Variants in TNFRSF10D observed in about 807,000 individuals in gnomAD.
TNFRSF10D encodes the protein TNF receptor superfamily member 10d.
In TNFRSF10D, 28 loss-of-function variants were observed where a neutral mutation model predicts 42.1. The ratio of observed to expected loss-of-function variants is 0.66; its 90% CI spans 0.49 to 0.91. The LOEUF (loss-of-function observed/expected upper bound fraction) is 0.91. TNFRSF10D is among the 40% of genes least tolerant of loss of function. The probability of loss-of-function intolerance (pLI) is 0.00; values close to 1 mark genes in which losing one functional copy is unlikely to be tolerated. For missense variants in TNFRSF10D, 503 were observed against 486.1 expected (o/e 1.03, Z -0.33); for synonymous variants, 186 against 189.4 (o/e 0.98, Z 0.15).
chr8:23,159,163 G>A (rs1800326257), intron 1 of TNFRSF10D, among the ~76,000 whole-genome samples: 1 of 151,942 alleles, frequency 6.6e-6, no homozygotes, highest in Non-Finnish European at 1.5e-5. Flanking sequence ...ACAGCATTTT[G>A]CTATGTTTCC....
Position 23,135,672 on chromosome 8 carries a change from C to T in TNFRSF10D, c.*2198G>A, listed in dbSNP as rs373883768. The T allele has an allele frequency of 4.4e-3, 1,201 of 273,866 alleles. No individual in the cohort carries two copies. Among genetic ancestry groups the T allele is most frequent in the African/African-American group, 0.017 (740 of 44,788 alleles). 17.0% of individuals were successfully genotyped at this position (273,866 alleles called of 1,614,324 possible). A position where few individuals can be genotyped will look rare whatever the true frequency, so the allele number is the denominator to read the frequency against. The stretch of plus-strand genomic sequence containing the variant: ...ACCAGGTGTTATGTGCTATTTGGCC[C>T]GGGTATAAAGCAAAACCTAAACAAA... On this transcript the variant is annotated 3_prime_UTR_variant, in exon 9 of 9. Transcript: ENST00000312584.
In TNFRSF10D at chr8:23,137,918, C is replaced by A. The variant is rs768082469; in HGVS notation, c.1113G>T (p.Lys371Asn). ...TIQDQLVGSE[K>N]LFYEEDEAGS... is the part of the protein sequence containing the mutation. ...CTGCCTCATCTTCTTCATAAAAGAG[C>A]TTTTCGGAGCCCACCAGTTGGTCCT... Residue 371 changes from lysine to asparagine, a missense_variant, in exon 9 of 9, where the codon AAG becomes AAT. Lys to Asn is a moderately conservative substitution (Grantham distance 94, BLOSUM62 0). Coordinates refer to ENST00000312584, the MANE Select transcript of TNFRSF10D (RefSeq NM_003840.5). 6.2e-6 allele frequency: 10 copies of A among 1,614,110 alleles called. 1 individual carries two copies. The highest frequency in any genetic ancestry group is 1.6e-4 in the Middle Eastern group (1 of 6,084).
chr8:23,163,815 C>A lies in TNFRSF10D; in HGVS notation c.121G>T (p.Val41Phe), dbSNP rs1212155628. ...WLLDPKILKF[V>F]VFIVAVLLPV... ...AGCAGAACCGCGACGATGAAGACGACGAACTTAAGGATCTTGGGGTCCAGG... is the reference window on the plus strand; with the variant it reads ...AGCAGAACCGCGACGATGAAGACGAAGAACTTAAGGATCTTGGGGTCCAGG... Residue 41 changes from valine to phenylalanine, a missense_variant, in exon 1 of 9, where the codon GTC (valine) becomes TTC (phenylalanine). Val to Phe is a conservative substitution (Grantham distance 50). Transcript: ENST00000312584. 1.2e-6 allele frequency: 2 copies of A among 1,608,886 alleles called. No homozygotes were observed. The highest frequency in any genetic ancestry group is 1.7e-5 in the Admixed American group (1 of 59,382).
At chr8:23,143,038 G>A (rs567242669) in intron 7 of TNFRSF10D, among the ~76,000 whole-genome samples, 2 of 150,380 alleles carry the variant, frequency 1.3e-5, no homozygotes, top group African/African-American at 5.0e-5. Context: ...GTGCAGTGGC[G>A]TGATCTCGGC....
At chr8:23,146,822 AG>A (rs1800127106) in intron 4 of TNFRSF10D, 138 bp downstream of exon 4, 4 of 691,918 alleles carry the variant, frequency 5.8e-6, no homozygotes, top group Non-Finnish European at 1.0e-5. Flanking sequence ...GGGCCAACGC[AG>A]GCTCAGGAAA....
rs1041880416 is a variant in TNFRSF10D at position 23,163,906 on chromosome 8, G to T, written c.30C>A (p.Thr10=). MGLWGQSVP[T]ASSARAGRYP... is the part of the protein sequence containing the mutation. ...AGCGCCCTGCTCGAGCGCTCGAGGC[G>T]GTCGGGACGCTTTGTCCCCAAAGTC... Residue 10 remains threonine, a synonymous_variant, in exon 1 of 9, where the codon ACC becomes ACA. Coordinates refer to ENST00000312584, the MANE Select transcript of TNFRSF10D (RefSeq NM_003840.5). 550 of 1,585,662 alleles carry T rather than the reference G, an allele frequency of 3.5e-4. No homozygotes were observed. The African/African-American group carries it at 6.1e-3, about 18-fold the overall frequency.
At chr8:23,138,353 G>A (rs1322052361) in intron 7 of TNFRSF10D, 93 bp from the exon 8 acceptor site, 20 of 1,385,774 alleles carry the variant, frequency 1.4e-5, no homozygotes, top group East Asian at 1.2e-4. Flanking sequence ...GACCTGCAGC[G>A]CTTTCCCTCT....
chr8:23,161,767 C>T (rs1477614411), intron 1 of TNFRSF10D, among the ~76,000 whole-genome samples: 283 of 151,140 alleles, frequency 1.9e-3, no homozygotes, highest in African/African-American at 6.0e-3. Flanking sequence ...GGGATACAGG[C>T]ACATGTGTGA....
At chr8:23,142,793 A>C (rs531989208) in intron 7 of TNFRSF10D, among the ~76,000 whole-genome samples, 942 of 152,296 alleles carry the variant, frequency 6.2e-3, no homozygotes, top group African/African-American at 0.019. Context: ...TTATATGTAA[A>C]GTAATCCCTG....
Position 23,144,502 on chromosome 8 carries a change from G to A in TNFRSF10D, c.902C>T (p.Ala301Val), listed in dbSNP as rs377758944. 2 of 1,614,214 alleles carry A rather than the reference G, an allele frequency of 1.2e-6. No individual in the cohort carries two copies. Among genetic ancestry groups the A allele is most frequent in the Admixed American group, 3.3e-5 (2 of 60,016 alleles). ...CTCTACAGTCACACCTGTTAGCTCT[G>A]CCAGCTCCTGACCTTGGATTTCCTG... is the stretch of plus-strand genomic sequence containing the variant. ...SEQEIQGQEL[A>V]ELTGVTVELP... The change falls in exon 7 of 9, where the codon GCA becomes GTA. Residue 301 changes from alanine to valine, a missense_variant. Ala to Val is a moderately conservative substitution (Grantham distance 64). Coordinates refer to ENST00000312584, the MANE Select transcript of TNFRSF10D (RefSeq NM_003840.5).
At chr8:23,148,967 A>G (rs148764871) in intron 2 of TNFRSF10D, among the ~76,000 whole-genome samples, 19,278 of 151,222 alleles carry the variant, frequency 0.13, 1,322 homozygotes, top group African/African-American at 0.17. Flanking sequence ...AAGGCGGACG[A>G]ATCACGAGGT....
intron 4 of TNFRSF10D, 104 bp downstream of exon 4, chr8:23,146,857 G>A (rs964429626): frequency 8.1e-5 from 79 of 978,482 alleles, no homozygotes; most frequent in African/African-American, 1.5e-4. Context: ...GGGAGGCCTC[G>A]GGCCTGGAGG....
intron 1 of TNFRSF10D, among the ~76,000 whole-genome samples, chr8:23,159,806 T>A (rs568902799): frequency 6.6e-6 from 1 of 152,130 alleles, no homozygotes; most frequent in Non-Finnish European, 1.5e-5. Flanking sequence ...GAGGTTGCAG[T>A]GAGCCGAGAT....
chr8:23,162,779 A>C (rs1378016152), intron 1 of TNFRSF10D, among the ~76,000 whole-genome samples: 8 of 152,206 alleles, frequency 5.3e-5, no homozygotes, highest in Middle Eastern at 3.2e-3. Flanking sequence ...ACCTTGGTTA[A>C]CCGCTTCCTG....
chr8:23,145,987 G>A lies in TNFRSF10D; in HGVS notation c.483-66C>T, dbSNP rs114902952. The A allele has an allele frequency of 3.3e-3, 5,312 of 1,608,592 alleles. 172 individuals carry two copies. The African/African-American group carries it at 0.062, about 19-fold the overall frequency. On this transcript the variant is annotated intron_variant, in intron 4 of 8. Transcript: ENST00000312584. Reference sequence around the variant, plus strand: ...AAGCTGGCCAGGTGGGATGAAAGAGGAGCCACCCTCCCTGCCCAAAGTCCC... The same window carrying A: ...AAGCTGGCCAGGTGGGATGAAAGAGAAGCCACCCTCCCTGCCCAAAGTCCC...
chr8:23,135,997 C>G lies in TNFRSF10D; in HGVS notation c.*1873G>C, dbSNP rs945460064. 5 of 438,208 alleles carry G rather than the reference C, an allele frequency of 1.1e-5. No homozygotes were observed. Among genetic ancestry groups the G allele is most frequent in the Non-Finnish European group, 1.8e-5 (4 of 218,730 alleles). The allele number at this position is 438,208 out of a possible 1,614,324, so 27.1% of individuals were successfully genotyped here. The stretch of plus-strand genomic sequence containing the variant: ...TGGGAGAGGATGGAAGTGCGAAGAC[C>G]GGAAAGGCCATCCCCTCCTAAAACT... On this transcript the variant is annotated 3_prime_UTR_variant, in exon 9 of 9. Coordinates refer to ENST00000312584, the MANE Select transcript of TNFRSF10D (RefSeq NM_003840.5).
rs1800221144 is a variant in TNFRSF10D, at chr8:23,152,248, A to C, written c.256+2626T>G. On this transcript the variant is annotated intron_variant, in intron 2 of 8. Coordinates refer to ENST00000312584, the MANE Select transcript of TNFRSF10D (RefSeq NM_003840.5). ...GTATTACTTACAGACTCCAGAGAGA[A>C]GAGGATAGCACACTTTGCAGCACTT... Among the ~76,000 whole-genome samples the C allele has an allele frequency of 2.0e-5, 3 of 152,258 alleles. No individual in the cohort carries two copies. The South Asian group carries it at 6.2e-4, about 31-fold the overall frequency.
intron 1 of TNFRSF10D, among the ~76,000 whole-genome samples, chr8:23,157,206 A>C (rs1292639143): frequency 6.6e-6 from 1 of 151,944 alleles, no homozygotes; most frequent in Non-Finnish European, 1.5e-5. Context: ...CATCTCCCCA[A>C]TTTTTTTAAT....
At chr8:23,149,271 CTT>C (rs536267193) in intron 2 of TNFRSF10D, among the ~76,000 whole-genome samples, 275 of 151,282 alleles carry the variant, frequency 1.8e-3, no homozygotes, top group African/African-American at 6.4e-3. Context: ...GAGTTTCACT[CTT>C]GTCACCCAGG....
Sources: allele counts gnomAD v4.1 joint callset (sites outside exome capture counted in the v4.1 genomes callset), GRCh38; gene constraint gnomAD v4.1.1; transcripts MANE v1.5; gene names NCBI Gene and HGNC (gene_info 2026-07-23, HGNC 2026-07-21).